The following TBC1D1 variants were observed in gnomAD, a reference collection of about 807,000 sequenced individuals.
TBC1D1 encodes the protein TBC1 (tre-2/USP6, BUB2, cdc16) domain family, member 1.
In TBC1D1, 89 loss-of-function variants were observed where a neutral mutation model predicts 125.6. The ratio of observed to expected loss-of-function variants is 0.71; its 90% CI spans 0.60 to 0.85. The LOEUF (loss-of-function observed/expected upper bound fraction) is 0.85. TBC1D1 is among the 40% of genes least tolerant of loss of function. TBC1D1 has a pLI of 0.00. For missense variants in TBC1D1, 1,377 were observed against 1,469.2 expected (o/e 0.94, Z 1.03); for synonymous variants, 565 against 564.1 (o/e 1.00, Z -0.02).
intron 14 of TBC1D1, among the ~76,000 whole-genome samples, chr4:38,097,762 G>A (rs150736263): frequency 0.031 from 4,698 of 152,292 alleles, 123 homozygotes; most frequent in African/African-American, 0.063. Flanking sequence ...ACAGATGTGA[G>A]CCACTGCACC....
At chr4:38,013,956 G>A (rs1019042175) in intron 2 of TBC1D1, among the ~76,000 whole-genome samples, 4 of 152,186 alleles carry the variant, frequency 2.6e-5, no homozygotes, top group African/African-American at 9.7e-5. Context: ...AAATAATGGT[G>A]CTGGGATTTG....
chr4:38,087,845 C>CA (rs1215951890), intron 12 of TBC1D1, among the ~76,000 whole-genome samples: 945 of 67,622 alleles, frequency 0.014, 20 homozygotes, highest in African/African-American at 0.034. Context: ...GATTCCGTCT[C>CA]AAAAAAAAAA....
At chr4:38,126,426 G>T (rs1342988926) in intron 18 of TBC1D1, among the ~76,000 whole-genome samples, 1 of 152,240 alleles carries the variant, frequency 6.6e-6, no homozygotes, top group African/African-American at 2.4e-5. Context: ...CCAGTGGATT[G>T]CATCCACATG....
At chr4:38,089,905 A>G (rs772756884) in intron 12 of TBC1D1, 27 bp from the exon 15 acceptor site, 2 of 1,539,458 alleles carry the variant, frequency 1.3e-6, no homozygotes, top group Admixed American at 2.3e-5. Flanking sequence ...AAAAATGACA[A>G]TTCTGGAATG....
In TBC1D1 at chr4:38,014,781, G is replaced by A. The variant is rs750262174; in HGVS notation, c.690G>A (p.Arg230=). ...CAGGGAGCCAGGAGCCTGTGCGCAG[G>A]CCCATGCGCAAGTCCTTCTCCCAGC... is the stretch of plus-strand genomic sequence containing the variant. The change falls in exon 3 of 20, where the codon AGG becomes AGA. Residue 230 remains arginine, a synonymous_variant. Transcript: ENST00000261439. The surrounding 1 kb of genome is among the most constrained non-coding windows in gnomAD (Gnocchi z 5.1). 5.6e-6 allele frequency: 9 copies of A among 1,610,464 alleles called. No homozygotes were observed. The highest frequency in any genetic ancestry group is 1.3e-5 in the African/African-American group (1 of 74,950).
chr4:38,069,398 T>G (rs1754306676), intron 12 of TBC1D1, among the ~76,000 whole-genome samples: 1 of 152,208 alleles, frequency 6.6e-6, no homozygotes, highest in South Asian at 2.1e-4. Context: ...CAGATGCATG[T>G]GAGCCTGTCT....
chr4:38,063,637 T>A (rs1560719769), intron 12 of TBC1D1, among the ~76,000 whole-genome samples: 7 of 151,920 alleles, frequency 4.6e-5, no homozygotes, highest in East Asian at 1.9e-4. Flanking sequence ...TTTTTTATTT[T>A]TTATTTTTTG....
At position 38,089,974 on chromosome 4, in the gene TBC1D1, AACC is replaced by A; in HGVS notation, c.2095_2097del (p.Pro699del). The A allele has an allele frequency of 6.2e-7, 1 of 1,613,582 alleles. No homozygotes were observed. The highest frequency in any genetic ancestry group is 2.2e-5 in the East Asian group (1 of 44,876). On this transcript the variant is annotated inframe_deletion, in exon 13 of 20. Coordinates refer to ENST00000261439, the MANE Select transcript of TBC1D1 (RefSeq NM_015173.4). The stretch of plus-strand genomic sequence containing the variant: ...GAGCTTCCCCCACGATCTCCTTTAG[AACC>A]AGTTTGTGAAGATGGGCCCTTTGGC...
chr4:38,075,308 A>G (rs1267975902), intron 12 of TBC1D1, among the ~76,000 whole-genome samples: 1 of 152,158 alleles, frequency 6.6e-6, no homozygotes, highest in Non-Finnish European at 1.5e-5. Flanking sequence ...TTTCTACTAC[A>G]TGAGAACATT....
At chr4:38,099,144 T>TA (rs1456467229) in intron 14 of TBC1D1, among the ~76,000 whole-genome samples, 1 of 152,218 alleles carries the variant, frequency 6.6e-6, no homozygotes, top group Non-Finnish European at 1.5e-5. Flanking sequence ...TATAAAAACT[T>TA]ACTCTAGAAA....
chr4:37,948,396 G>A (rs1302391631), intron 2 of TBC1D1, among the ~76,000 whole-genome samples: 1 of 152,212 alleles, frequency 6.6e-6, no homozygotes, highest in Non-Finnish European at 1.5e-5. Context: ...GGGAGGCCAA[G>A]GTGGGTGGAT....
chr4:38,076,063 C>A (rs1755541656), intron 12 of TBC1D1, among the ~76,000 whole-genome samples: 1 of 152,164 alleles, frequency 6.6e-6, no homozygotes, highest in South Asian at 2.1e-4. Flanking sequence ...TCCGTTCTCA[C>A]ACTGCTAATA....
intron 2 of TBC1D1, among the ~76,000 whole-genome samples, chr4:37,906,951 A>G (rs543979606): frequency 6.6e-6 from 1 of 152,386 alleles, no homozygotes; most frequent in South Asian, 2.1e-4. Flanking sequence ...TCTATTAGAA[A>G]TTAAAACTCA....
At chr4:37,962,276 A>C (rs908900401) in intron 2 of TBC1D1, among the ~76,000 whole-genome samples, 1 of 152,214 alleles carries the variant, frequency 6.6e-6, no homozygotes, top group Non-Finnish European at 1.5e-5. Flanking sequence ...ACTAAATTTC[A>C]TCTGTAAAGG....
intron 2 of TBC1D1, among the ~76,000 whole-genome samples, chr4:37,904,898 C>T (rs559862855): frequency 2.8e-4 from 43 of 152,272 alleles, no homozygotes; most frequent in African/African-American, 9.1e-4. Flanking sequence ...TATCTCATAG[C>T]GAAGGATTAT....
chr4:38,122,826 G>C (rs1764067443), intron 17 of TBC1D1, among the ~76,000 whole-genome samples: 1 of 152,172 alleles, frequency 6.6e-6, no homozygotes, highest in South Asian at 2.1e-4. Flanking sequence ...AATACAAACA[G>C]ATATAATAAA....
intron 12 of TBC1D1, among the ~76,000 whole-genome samples, chr4:38,074,964 T>A (rs1348639902): frequency 1.3e-5 from 2 of 152,170 alleles, no homozygotes; most frequent in African/African-American, 4.8e-5. Context: ...TTTTGCCATG[T>A]TGTCCAGACT....
rs144070154 is a variant in TBC1D1 at position 37,952,201 on chromosome 4, C to T, written c.417+49689C>T. On this transcript the variant is annotated intron_variant, in intron 2 of 19. Coordinates refer to ENST00000261439, the MANE Select transcript of TBC1D1 (RefSeq NM_015173.4). ...ACTATTTATCCTGTGACTTCACACG[C>T]GCTTGGAAGTTTTGTTGTGATCTTC... is the stretch of plus-strand genomic sequence containing the variant. 9.3e-4 allele frequency: 598 copies of T among 645,954 alleles called. 5 individuals are homozygous for T. In the African/African-American group the frequency reaches 9.6e-3, roughly 10 times the overall value. The allele number at this position is 645,954 out of a possible 1,614,324, so 40.0% of individuals were successfully genotyped here.
At chr4:38,017,638 G>A (rs1743045257) in intron 3 of TBC1D1, among the ~76,000 whole-genome samples, 1 of 152,248 alleles carries the variant, frequency 6.6e-6, no homozygotes, top group Non-Finnish European at 1.5e-5. Context: ...GGGTCTGGGA[G>A]TTAAGAATGG....
Sources: gnomAD v4.1 joint callset for allele counts (sites outside exome capture counted in the v4.1 genomes callset) on GRCh38, gnomAD v4.1.1 for gene constraint, Gnocchi (gnomAD v3.1) non-coding constraint, MANE v1.5 for transcripts, NCBI Gene and HGNC (gene_info 2026-07-23, HGNC 2026-07-21) for gene names.